SOX6: variants seen among roughly 807,000 people sequenced by gnomAD.
SOX6 encodes the protein SRY-box transcription factor 6.
Under a neutral mutation model 97.8 loss-of-function variants are expected in SOX6, and 11 were observed. The ratio of observed to expected loss-of-function variants is 0.11; its 90% CI spans 0.07 to 0.19. SOX6 has a LOEUF of 0.19. SOX6 is among the 10% of genes least tolerant of loss of function. The pLI is 1.00. For missense variants in SOX6, 810 were observed against 1,039.5 expected (o/e 0.78, Z 3.04); for synonymous variants, 360 against 371.4 (o/e 0.97, Z 0.35).
chr11:16,243,721 T>C (rs1458721297), intron 3 of SOX6, among the ~76,000 whole-genome samples: 5 of 152,010 alleles, frequency 3.3e-5, no homozygotes, highest in Non-Finnish European at 7.4e-5. Flanking sequence ...TCTATCACTA[T>C]AAAATAATTT....
At chr11:16,706,698 G>A (rs1848139473) in intron 3 of SOX6, among the ~76,000 whole-genome samples, 1 of 150,136 alleles carries the variant, frequency 6.7e-6, no homozygotes, top group African/African-American at 2.5e-5. Flanking sequence ...TGGAGGGGGA[G>A]AGGAGTTTGA....
chr11:16,402,463 G>A (rs1858585362), intron 1 of SOX6, among the ~76,000 whole-genome samples: 1 of 151,498 alleles, frequency 6.6e-6, no homozygotes, highest in Admixed American at 6.6e-5. Flanking sequence ...GGTCCTTCTG[G>A]GAGTTCAGGA....
chr11:16,322,896 A>C (rs1855969357), intron 2 of SOX6, among the ~76,000 whole-genome samples: 1 of 152,228 alleles, frequency 6.6e-6, no homozygotes, highest in Admixed American at 6.5e-5. Context: ...TCAAAATAAC[A>C]TAAAGGAGAT....
At chr11:16,470,130 A>G (rs576692165) in intron 1 of SOX6, among the ~76,000 whole-genome samples, 1 of 152,250 alleles carries the variant, frequency 6.6e-6, no homozygotes, top group African/African-American at 2.4e-5. Flanking sequence ...CAACTGTAAA[A>G]CTGAGAAGGC....
At chr11:15,988,240 A>G (rs1489468546) in intron 14 of SOX6, among the ~76,000 whole-genome samples, 1 of 152,182 alleles carries the variant, frequency 6.6e-6, no homozygotes, top group Non-Finnish European at 1.5e-5. Context: ...GTTGAATAAA[A>G]TATGTTTAAC....
chr11:16,238,894 T>C (rs919702860), intron 3 of SOX6, among the ~76,000 whole-genome samples: 2 of 152,104 alleles, frequency 1.3e-5, no homozygotes, highest in African/African-American at 4.8e-5. Context: ...TTTGAGAAAA[T>C]AGTAAAGCAA....
intron 9 of SOX6, among the ~76,000 whole-genome samples, chr11:16,083,631 T>G (rs1848520637): frequency 6.6e-6 from 1 of 152,212 alleles, no homozygotes. Flanking sequence ...TTATTTACAC[T>G]GTTGGCTAAC....
intron 6 of SOX6, among the ~76,000 whole-genome samples, chr11:16,163,650 T>A (rs913567183): frequency 9.2e-5 from 14 of 152,170 alleles, no homozygotes; most frequent in African/African-American, 3.4e-4. Flanking sequence ...GAAAAACAAA[T>A]CTTGCTAATA....
intron 1 of SOX6, among the ~76,000 whole-genome samples, chr11:16,464,106 T>C (rs1409974774): frequency 6.6e-6 from 1 of 152,230 alleles, no homozygotes; most frequent in Non-Finnish European, 1.5e-5. Flanking sequence ...ATCAAGATTA[T>C]TTCTCTATCC....
In SOX6 at chr11:16,139,354, C is replaced by A. The variant is rs185003771; in HGVS notation, c.778-27431G>T. 3.2e-4 allele frequency among the ~76,000 whole-genome samples: 48 copies of A among 152,260 alleles called. 1 individual carries two copies. In the East Asian group the frequency reaches 5.6e-3, roughly 18 times the overall value. ...ACTATGATGGTTGCCACGTGACTTTCTTTCTGTAATGTCTTGTATATTTAT... is the reference window on the plus strand; with the variant it reads ...ACTATGATGGTTGCCACGTGACTTTATTTCTGTAATGTCTTGTATATTTAT... On this transcript the variant is annotated intron_variant, in intron 6 of 15. Transcript: ENST00000683767.
intron 7 of SOX6, among the ~76,000 whole-genome samples, chr11:16,106,925 T>A (rs1233155426): frequency 6.6e-6 from 1 of 151,972 alleles, no homozygotes; most frequent in African/African-American, 2.4e-5. Context: ...ATGGGAAAAC[T>A]ACTTGAATAG....
At chr11:16,538,318 G>A (rs948882597) in intron 4 of SOX6, among the ~76,000 whole-genome samples, 16 of 152,198 alleles carry the variant, frequency 1.1e-4, no homozygotes, top group Non-Finnish European at 2.1e-4. Flanking sequence ...AAGAGCTCCT[G>A]AAGGAAGCAC....
At chr11:16,349,500 C>T (rs1856855042) in intron 1 of SOX6, among the ~76,000 whole-genome samples, 1 of 151,954 alleles carries the variant, frequency 6.6e-6, no homozygotes, top group Non-Finnish European at 1.5e-5. Context: ...CCTGTAATCC[C>T]AGCTCTGCAG....
chr11:16,336,767 A>G (rs1039177675), intron 2 of SOX6, among the ~76,000 whole-genome samples: 1 of 152,154 alleles, frequency 6.6e-6, no homozygotes, highest in Non-Finnish European at 1.5e-5. Context: ...ATTTCATTTC[A>G]TACCATTCTC....
At chr11:16,427,241 T>A (rs917371611) in intron 1 of SOX6, among the ~76,000 whole-genome samples, 1 of 151,440 alleles carries the variant, frequency 6.6e-6, no homozygotes, top group Non-Finnish European at 1.5e-5. Flanking sequence ...AAAGATCTAA[T>A]ATCCAGCATC....
chr11:16,548,183 T>C (rs1227311397), intron 4 of SOX6, among the ~76,000 whole-genome samples: 1 of 152,142 alleles, frequency 6.6e-6, no homozygotes, highest in African/African-American at 2.4e-5. Context: ...CAAAAATATC[T>C]TTCTAATGTG....
chr11:16,248,930 T>G (rs2134196061), intron 3 of SOX6, among the ~76,000 whole-genome samples: 1 of 152,124 alleles, frequency 6.6e-6, no homozygotes, highest in South Asian at 2.1e-4. Context: ...ACCCCATCTC[T>G]ACTAAAAATA....
chr11:15,985,625 A>G (rs547690404), intron 15 of SOX6, among the ~76,000 whole-genome samples: 3 of 152,348 alleles, frequency 2.0e-5, no homozygotes, highest in African/African-American at 7.2e-5. Flanking sequence ...ATGACATGAA[A>G]TCAGACTTGA....
At chr11:16,706,735 G>A (rs926426789) in intron 3 of SOX6, among the ~76,000 whole-genome samples, 3 of 150,458 alleles carry the variant, frequency 2.0e-5, no homozygotes, top group Admixed American at 2.0e-4. Context: ...TTGAGACCCT[G>A]TACATTTTCA....
Sources: gnomAD v4.1 joint callset for allele counts (sites outside exome capture counted in the v4.1 genomes callset) on GRCh38, gnomAD v4.1.1 for gene constraint, MANE v1.5 for transcripts, NCBI Gene and HGNC (gene_info 2026-07-23, HGNC 2026-07-21) for gene names.